The following FAM120AOS variants were observed in gnomAD, a reference collection of about 807,000 sequenced individuals.
FAM120AOS encodes family with sequence similarity 120 member A opposite strand.
FAM120AOS carries 15 observed loss-of-function variants against 20.2 expected under a neutral mutation model. The observed-to-expected ratio is 0.74, with a 90% CI of 0.50 to 1.15. FAM120AOS has a LOEUF of 1.15. Among genes scored for constraint, FAM120AOS ranks in the 50% most tolerant of loss-of-function variants. The probability of loss-of-function intolerance (pLI) is 0.00; values close to 1 mark genes in which losing one functional copy is unlikely to be tolerated. For synonymous variants in FAM120AOS, 154 were observed against 154.0 expected (o/e 1.00, Z 0.00); for missense variants, 327 against 351.9 (o/e 0.93, Z 0.57).
Position 93,444,428 on chromosome 9 carries a change from G to T in FAM120AOS, c.*3183C>A, listed in dbSNP as rs1269543921. Among the ~76,000 whole-genome samples, 5 of 152,152 alleles carry T rather than the reference G, an allele frequency of 3.3e-5. No homozygotes were observed. In the East Asian group the frequency reaches 9.6e-4, roughly 29 times the overall value. Reference sequence around the variant, plus strand: ...GGATTATAGCCACACTTTCTAGCTTGCCGGGCCCCCATTTACCAGAATGTT... The same window carrying T: ...GGATTATAGCCACACTTTCTAGCTTTCCGGGCCCCCATTTACCAGAATGTT... On this transcript the variant is annotated 3_prime_UTR_variant, in exon 3 of 3. Transcript: ENST00000375412.
chr9:93,446,117 C>T lies in FAM120AOS; in HGVS notation c.*1494G>A, dbSNP rs922701154. Among the ~76,000 whole-genome samples, 4 of 152,184 alleles carry T rather than the reference C, an allele frequency of 2.6e-5. No homozygotes were observed. Among genetic ancestry groups the T allele is most frequent in the African/African-American group, 9.7e-5 (4 of 41,448 alleles). On this transcript the variant is annotated 3_prime_UTR_variant, in exon 3 of 3. Transcript: ENST00000375412. ...GTTCCACCCTAAGGATAAAGTATTA[C>T]AGTAACTTTCTTCCTGCCTTCCAGA...
rs1438871723 is a variant in FAM120AOS, at chr9:93,452,690, A to G, written c.20T>C (p.Ile7Thr). MGKTKD[I>T]GDDDTVASEF... The stretch of plus-strand genomic sequence containing the variant: ...GGAGGCGACAGTGTCATCATCCCCA[A>G]TATCCTTAGTTTTTCCCATCCTATT... The change falls in exon 1 of 3, where the codon ATT becomes ACT. Residue 7 changes from isoleucine to threonine, a missense_variant. By Grantham distance (89) the Ile-to-Thr change is moderately conservative. This residue lies in a region of FAM120AOS where 155 missense variants were observed against 128.8 expected (regional missense o/e 1.20). Transcript: ENST00000375412. This position sits in a 1 kb window ranked among gnomAD's most constrained non-coding sequence, Gnocchi z 7.0. 12 of 1,598,472 alleles carry G rather than the reference A, an allele frequency of 7.5e-6. No individual in the cohort carries two copies. The highest frequency in any genetic ancestry group is 4.0e-5 in the African/African-American group (3 of 74,902).
intron 1 of FAM120AOS, chr9:93,451,447 G>A (rs1857184928): frequency 9.8e-6 from 12 of 1,225,924 alleles, no homozygotes; most frequent in Non-Finnish European, 1.2e-5. Context: ...TGAGGCGGGC[G>A]AACGGCCTCT....
chr9:93,452,975 C>A lies in FAM120AOS; in HGVS notation c.-266G>T. The A allele has an allele frequency of 7.4e-7, 1 of 1,351,846 alleles. No homozygotes were observed. Among genetic ancestry groups the A allele is most frequent in the African/African-American group, 1.5e-5 (1 of 67,184 alleles). 83.7% of individuals were successfully genotyped at this position (1,351,846 alleles called of 1,614,324 possible). On this transcript the variant is annotated 5_prime_UTR_variant, in exon 1 of 3. Coordinates refer to ENST00000375412, the MANE Select transcript of FAM120AOS (RefSeq NM_198841.4). This position sits in a 1 kb window ranked among gnomAD's most constrained non-coding sequence, Gnocchi z 7.0. ...CTACTTCAGAACGCAGTGCCCTGTC[C>A]GTGTTCCTCTTAGTACAGGGTGTTT...
chr9:93,449,491 C>CTTTTT (rs1170832126), intron 2 of FAM120AOS, among the ~76,000 whole-genome samples: 3 of 66,176 alleles, frequency 4.5e-5, no homozygotes, highest in East Asian at 5.9e-4. Flanking sequence ...CTGGCACTGG[C>CTTTTT]ATTTTTTTTT....
At chr9:93,448,767 G>A (rs1228608399) in intron 2 of FAM120AOS, among the ~76,000 whole-genome samples, 1 of 151,892 alleles carries the variant, frequency 6.6e-6, no homozygotes, top group African/African-American at 2.4e-5. Context: ...ATAGGCGCCT[G>A]CCACCACGCC....
intron 1 of FAM120AOS, chr9:93,451,001 C>G (rs905196996): frequency 2.6e-6 from 4 of 1,540,690 alleles, no homozygotes; most frequent in Non-Finnish European, 3.5e-6. Context: ...CTACCTGTAC[C>G]TTCAGACATT....
In FAM120AOS at chr9:93,453,120, GT is replaced by G; in HGVS notation, c.-412del. 9 of 1,012,652 alleles carry G rather than the reference GT, an allele frequency of 8.9e-6. No individual in the cohort carries two copies. The highest frequency in any genetic ancestry group is 1.1e-5 in the Non-Finnish European group (9 of 848,124). 62.7% of individuals were successfully genotyped at this position (1,012,652 alleles called of 1,614,324 possible). A position where few individuals can be genotyped will look rare whatever the true frequency, so the allele number is the denominator to read the frequency against. On this transcript the variant is annotated 5_prime_UTR_variant, in exon 1 of 3. An upstream open reading frame in the 5' UTR gains an earlier in-frame stop. Coordinates refer to ENST00000375412, the MANE Select transcript of FAM120AOS (RefSeq NM_198841.4). ...TGAAAGAGGTCTTTAAGGCAGTTCGGTTTTGTAGATCCCATGCGAAAGGAGT... is the reference window on the plus strand; with the variant it reads ...TGAAAGAGGTCTTTAAGGCAGTTCGGTTTGTAGATCCCATGCGAAAGGAGT...
rs973233218 is a variant in FAM120AOS, at chr9:93,446,515, T to C, written c.*1096A>G. On this transcript the variant is annotated 3_prime_UTR_variant, in exon 3 of 3. Transcript: ENST00000375412. ...TTGATTTATATCACATTGTAAAATATAGTTTACTTCAAAAGATGATCCTGA... is the reference window on the plus strand; with the variant it reads ...TTGATTTATATCACATTGTAAAATACAGTTTACTTCAAAAGATGATCCTGA... The C allele has an allele frequency of 1.3e-5, 2 of 152,234 alleles. No homozygotes were observed. Among genetic ancestry groups the C allele is most frequent in the Admixed American group, 6.5e-5 (1 of 15,282 alleles). The allele number at this position is 152,234 out of a possible 1,614,324, so 9.4% of individuals were successfully genotyped here.
chr9:93,451,496 C>A (rs1041696522), intron 1 of FAM120AOS: 1 of 1,029,962 alleles, frequency 9.7e-7, no homozygotes, highest in Non-Finnish European at 1.2e-6. Context: ...AGAAGCCTCC[C>A]GGATCCCGTC....
chr9:93,445,556 G>C lies in FAM120AOS; in HGVS notation c.*2055C>G, dbSNP rs1281578151. On this transcript the variant is annotated 3_prime_UTR_variant, in exon 3 of 3. Transcript: ENST00000375412. ...TTAGTTCCCACCCAGTCTTAATCCT[G>C]GTTCTCCAACTTTCATAAAAATCGT... Among the ~76,000 whole-genome samples, 1 of 146,786 alleles carries C rather than the reference G, an allele frequency of 6.8e-6. No homozygotes were observed. Among genetic ancestry groups the C allele is most frequent in the African/African-American group, 2.5e-5 (1 of 39,644 alleles).
intron 1 of FAM120AOS, chr9:93,451,481 G>T: frequency 9.4e-7 from 1 of 1,067,350 alleles, no homozygotes; most frequent in Non-Finnish European, 1.1e-6. Context: ...TGCCTGCTCC[G>T]GCTCAGAAGC....
At chr9:93,449,990 A>C (rs1164236263) in intron 2 of FAM120AOS, among the ~76,000 whole-genome samples, 2 of 151,918 alleles carry the variant, frequency 1.3e-5, no homozygotes, top group South Asian at 4.1e-4. Context: ...TCTTTTATTT[A>C]TTTATTTATT....
rs71364380 is a variant in FAM120AOS, at chr9:93,445,583, GTTTTTTTTT to G, written c.*2019_*2027del. The stretch of plus-strand genomic sequence containing the variant: ...TTCTCCAACTTTCATAAAAATCGTT[GTTTTTTTTT>G]TTTTTTTTTTTTTTTGAGACAAGGC... On this transcript the variant is annotated 3_prime_UTR_variant, in exon 3 of 3. Coordinates refer to ENST00000375412, the MANE Select transcript of FAM120AOS (RefSeq NM_198841.4). 7.5e-5 allele frequency among the ~76,000 whole-genome samples: 6 copies of G among 80,098 alleles called. No individual in the cohort carries two copies. The highest frequency in any genetic ancestry group is 4.2e-4 in the East Asian group (1 of 2,388). The allele number at this position is 80,098 out of a possible 152,430, so 52.5% of individuals were successfully genotyped here.
chr9:93,453,429 T>C lies in FAM120AOS; in HGVS notation c.-720A>G, dbSNP rs1857382298. 1.0e-6 allele frequency: 1 copy of C among 985,326 alleles called. No homozygotes were observed. Among genetic ancestry groups the C allele is most frequent in the African/African-American group, 1.7e-5 (1 of 57,224 alleles). 61.0% of individuals were successfully genotyped at this position (985,326 alleles called of 1,614,324 possible). On this transcript the variant is annotated 5_prime_UTR_variant, in exon 1 of 3. Transcript: ENST00000375412. Reference sequence around the variant, plus strand: ...TTTCATTGGTTTTCTTGAAAACAAATTTTGGGGGCCTTTTTGTTGTCTTAG... The same window carrying C: ...TTTCATTGGTTTTCTTGAAAACAAACTTTGGGGGCCTTTTTGTTGTCTTAG...
Position 93,445,560 on chromosome 9 carries a change from C to G in FAM120AOS, c.*2051G>C, listed in dbSNP as rs1487852848. 6.8e-6 allele frequency among the ~76,000 whole-genome samples: 1 copy of G among 147,622 alleles called. No individual in the cohort carries two copies. Among genetic ancestry groups the G allele is most frequent in the African/African-American group, 2.5e-5 (1 of 39,824 alleles). On this transcript the variant is annotated 3_prime_UTR_variant, in exon 3 of 3. Coordinates refer to ENST00000375412, the MANE Select transcript of FAM120AOS (RefSeq NM_198841.4). The stretch of plus-strand genomic sequence containing the variant: ...TTCCCACCCAGTCTTAATCCTGGTT[C>G]TCCAACTTTCATAAAAATCGTTGTT...
intron 1 of FAM120AOS, 60 bp from the exon 2 acceptor site, chr9:93,450,659 T>G (rs1031290193): frequency 1.4e-5 from 22 of 1,600,486 alleles, no homozygotes; most frequent in Non-Finnish European, 1.7e-5. Flanking sequence ...TTAAAACTTT[T>G]AGAGTGCTGG....
intron 2 of FAM120AOS, among the ~76,000 whole-genome samples, chr9:93,449,108 G>A (rs1374555621): frequency 3.4e-5 from 5 of 148,100 alleles, no homozygotes; most frequent in African/African-American, 1.3e-4. Context: ...GGGCAACTAA[G>A]AATTGAGTTT....
Position 93,444,008 on chromosome 9 carries a change from C to T in FAM120AOS, c.*3603G>A, listed in dbSNP as rs1337973836. Among the ~76,000 whole-genome samples, 1 of 152,154 alleles carries T rather than the reference C, an allele frequency of 6.6e-6. No homozygotes were observed. Among genetic ancestry groups the T allele is most frequent in the Non-Finnish European group, 1.5e-5 (1 of 68,024 alleles). On this transcript the variant is annotated 3_prime_UTR_variant, in exon 3 of 3. Transcript: ENST00000375412. Reference sequence around the variant, plus strand: ...TTTCCTGCTCCTCTGGCTGGAAAGACAGGTTTTCTCTCAGGGGAATTTTTT... The same window carrying T: ...TTTCCTGCTCCTCTGGCTGGAAAGATAGGTTTTCTCTCAGGGGAATTTTTT...
Sources: allele counts gnomAD v4.1 joint callset (sites outside exome capture counted in the v4.1 genomes callset), GRCh38; gene constraint gnomAD v4.1.1; regional missense constraint gnomAD v4.1.1; non-coding constraint Gnocchi (gnomAD v3.1); transcripts MANE v1.5; gene names NCBI Gene and HGNC (gene_info 2026-07-23, HGNC 2026-07-21).